Variants in TBCD observed in about 807,000 individuals in gnomAD.
TBCD encodes tubulin-specific chaperone D.
Under a neutral mutation model 169.3 loss-of-function variants are expected in TBCD, and 105 were observed. The ratio of observed to expected loss-of-function variants is 0.62; its 90% CI spans 0.53 to 0.73. TBCD has a LOEUF of 0.73. Among genes scored for constraint, TBCD ranks in the 30% least tolerant of loss-of-function variants. The pLI, the probability that TBCD is intolerant of heterozygous loss-of-function variation, is 0.00. For synonymous variants in TBCD, 700 were observed against 643.9 expected, an observed-to-expected ratio of 1.09 and a Z score of -1.32; for missense variants, 1,444 against 1,600.1, an observed-to-expected ratio of 0.90 and a Z score of 1.66.
intron 14 of TBCD, among the ~76,000 whole-genome samples, chr17:82,871,772 G>T (rs2057579400): frequency 6.6e-6 from 1 of 152,252 alleles, no homozygotes; most frequent in African/African-American, 2.4e-5. Context: ...GCATGTGGCG[G>T]GGCCAGCGTT....
At chr17:82,815,477 CA>C (rs1185017804) in intron 13 of TBCD, among the ~76,000 whole-genome samples, 2 of 152,212 alleles carry the variant, frequency 1.3e-5, no homozygotes, top group Admixed American at 6.5e-5. Context: ...GGTGGAGGGC[CA>C]GGGGAGCTCT....
Position 82,832,451 on chromosome 17 carries a change from T to A in TBCD, c.1318+17517T>A. Reference sequence around the variant, plus strand: ...TTTGGCTTCCGCTCTTTGAGGAGACTCATTTTCCTCCTTATGCCTTGGACT... The same window carrying A: ...TTTGGCTTCCGCTCTTTGAGGAGACACATTTTCCTCCTTATGCCTTGGACT... On this transcript the variant is annotated intron_variant, in intron 13 of 38. Coordinates refer to ENST00000355528, the MANE Select transcript of TBCD (RefSeq NM_005993.5). The surrounding 1 kb of genome is among the most constrained non-coding windows in gnomAD (Gnocchi z 4.9). 1 of 1,609,994 alleles carries A rather than the reference T, an allele frequency of 6.2e-7. No homozygotes were observed. The highest frequency in any genetic ancestry group is 8.5e-7 in the Non-Finnish European group (1 of 1,179,926).
At chr17:82,787,091 C>A (rs985472628) in intron 7 of TBCD, among the ~76,000 whole-genome samples, 1 of 152,166 alleles carries the variant, frequency 6.6e-6, no homozygotes, top group African/African-American at 2.4e-5. Flanking sequence ...GAGAGACATT[C>A]GTTTTTCCCC....
chr17:82,770,636 C>T (rs1322728662), intron 5 of TBCD, among the ~76,000 whole-genome samples: 1 of 151,872 alleles, frequency 6.6e-6, no homozygotes, highest in Non-Finnish European at 1.5e-5. Flanking sequence ...TTTACCCACC[C>T]TTGTTTACTT....
chr17:82,809,449 G>A (rs1044079442), intron 11 of TBCD, among the ~76,000 whole-genome samples: 3 of 152,290 alleles, frequency 2.0e-5, no homozygotes, highest in Admixed American at 1.3e-4. Flanking sequence ...TGCAGCGTCC[G>A]CGTTACAGTG....
intron 17 of TBCD, among the ~76,000 whole-genome samples, chr17:82,895,373 G>A (rs1337622853): frequency 6.6e-6 from 1 of 152,224 alleles, no homozygotes; most frequent in African/African-American, 2.4e-5. Flanking sequence ...GGAGGCAGTG[G>A]TCCTGTTCAG....
intron 1 of TBCD, among the ~76,000 whole-genome samples, chr17:82,753,354 C>T (rs1040861850): frequency 1.3e-4 from 19 of 151,090 alleles, no homozygotes; most frequent in Admixed American, 2.6e-4. Flanking sequence ...CGATGCCTCT[C>T]GTGCAGAACT....
Position 82,929,208 on chromosome 17 carries a change from A to C in TBCD, c.2789A>C (p.His930Pro). The C allele has an allele frequency of 6.2e-7, 1 of 1,613,740 alleles. No homozygotes were observed. Among genetic ancestry groups the C allele is most frequent in the South Asian group, 1.1e-5 (1 of 91,040 alleles). Residue 930 changes from histidine (H) to proline (P), a missense_variant, in exon 31 of 39, where the codon CAC (histidine) becomes CCC (proline). Coordinates refer to ENST00000355528, the MANE Select transcript of TBCD (RefSeq NM_005993.5). ...HAASVFLTLL[H>P]FDSPPIPHVP... is the part of the protein sequence containing the mutation. ...GCCAGCGTGTTCCTGACGCTCCTGC[A>C]CTTTGACAGCCCTCCCATCCCCCAC... is the stretch of plus-strand genomic sequence containing the variant.
intron 2 of TBCD, among the ~76,000 whole-genome samples, chr17:82,758,225 C>G (rs2047511700): frequency 6.6e-6 from 1 of 151,336 alleles, no homozygotes; most frequent in South Asian, 2.1e-4. Context: ...CCCGTATCTA[C>G]TAAAAATGCA....
At position 82,846,534 on chromosome 17, in the gene TBCD, AG is replaced by A. The variant is rs937850196; in HGVS notation, c.1319-23689del. 1.1e-3 allele frequency among the ~76,000 whole-genome samples: 165 copies of A among 152,174 alleles called. 1 individual carries two copies. The highest frequency in any genetic ancestry group is 3.4e-3 in the Middle Eastern group (1 of 294). Reference sequence around the variant, plus strand: ...GCCTCTGCCTTCCGTCCCTGGCGGTAGTGAGACTGGCTGAGACCCAGGGGAA... The same window carrying A: ...GCCTCTGCCTTCCGTCCCTGGCGGTATGAGACTGGCTGAGACCCAGGGGAA... On this transcript the variant is annotated intron_variant, in intron 13 of 38. Coordinates refer to ENST00000355528, the MANE Select transcript of TBCD (RefSeq NM_005993.5).
At chr17:82,887,168 TGCGCGC>T (rs113145269) in intron 15 of TBCD, among the ~76,000 whole-genome samples, 2,588 of 126,172 alleles carry the variant, frequency 0.021, 33 homozygotes, top group African/African-American at 0.03. Context: ...TGTGTGTGTG[TGCGCGC>T]GCGCGCACGT....
At chr17:82,905,857 G>A in intron 19 of TBCD, 79 bp from the exon 20 acceptor site, 2 of 1,162,136 alleles carry the variant, frequency 1.7e-6, no homozygotes, top group Non-Finnish European at 1.2e-6. Flanking sequence ...TCCCGGCCCT[G>A]TGTGGGTGCG....
In TBCD at chr17:82,807,000, G is replaced by T. The variant is rs2051015283; in HGVS notation, c.1088-608G>T. ...AGTCCCCCCTGCCCGCATTCCAGCTGCTGTGCTGGCTCCAGACTGTCTCTC... is the reference window on the plus strand; with the variant it reads ...AGTCCCCCCTGCCCGCATTCCAGCTTCTGTGCTGGCTCCAGACTGTCTCTC... On this transcript the variant is annotated intron_variant, in intron 10 of 38. Transcript: ENST00000355528. The surrounding 1 kb of genome is among the most constrained non-coding windows in gnomAD (Gnocchi z 5.1). 6.6e-6 allele frequency among the ~76,000 whole-genome samples: 1 copy of T among 152,210 alleles called. No individual in the cohort carries two copies. Among genetic ancestry groups the T allele is most frequent in the African/African-American group, 2.4e-5 (1 of 41,460 alleles).
At position 82,809,689 on chromosome 17, in the gene TBCD, T is replaced by G; in HGVS notation, c.1149-19T>G. The G allele has an allele frequency of 1.9e-6, 3 of 1,611,622 alleles. No individual in the cohort carries two copies. The highest frequency in any genetic ancestry group is 2.5e-6 in the Non-Finnish European group (3 of 1,178,868). On this transcript the variant is annotated intron_variant, in intron 11 of 38. Coordinates refer to ENST00000355528, the MANE Select transcript of TBCD (RefSeq NM_005993.5). ...CAGGCTGGTGGTGCCCCTGACGGAT[T>G]GCTGCGTTTCTCTTTCAGCATCGGT...
At position 82,774,678 on chromosome 17, in the gene TBCD, G is replaced by GC. The variant is rs1164561801; in HGVS notation, c.638+2177dup. The stretch of plus-strand genomic sequence containing the variant: ...ACGGAGCGGCGGCCGGGCGGGGGCT[G>GC]CCCCCCACCCGAGTGTGTCTACCTG... On this transcript the variant is annotated intron_variant, in intron 6 of 38. Coordinates refer to ENST00000355528, the MANE Select transcript of TBCD (RefSeq NM_005993.5). 2.0e-5 allele frequency among the ~76,000 whole-genome samples: 3 copies of GC among 152,238 alleles called. No individual in the cohort carries two copies. The East Asian group carries it at 5.8e-4, about 29-fold the overall frequency.
At chr17:82,817,855 A>G (rs1268691623) in intron 13 of TBCD, among the ~76,000 whole-genome samples, 1 of 152,102 alleles carries the variant, frequency 6.6e-6, no homozygotes, top group African/African-American at 2.4e-5. Flanking sequence ...ATCATTGCTG[A>G]CCCCAGAACC....
At chr17:82,897,959 C>T (rs1444395806) in intron 17 of TBCD, among the ~76,000 whole-genome samples, 5 of 151,202 alleles carry the variant, frequency 3.3e-5, no homozygotes, top group East Asian at 1.9e-4. Flanking sequence ...TGTGAGCACA[C>T]GTCACGGCTC....
intron 15 of TBCD, among the ~76,000 whole-genome samples, chr17:82,888,958 C>G (rs2058944863): frequency 6.6e-6 from 1 of 152,144 alleles, no homozygotes; most frequent in South Asian, 2.1e-4. Context: ...ACACTGAAGT[C>G]TCCTGTGTCT....
At chr17:82,859,871 A>G (rs2056615908) in intron 13 of TBCD, 1 of 985,390 alleles carries the variant, frequency 1.0e-6, no homozygotes, top group Non-Finnish European at 1.2e-6. Context: ...CCTTGAGATA[A>G]CTGGGTTGGA....
Sources: allele counts gnomAD v4.1 joint callset (sites outside exome capture counted in the v4.1 genomes callset), GRCh38; gene constraint gnomAD v4.1.1; non-coding constraint Gnocchi (gnomAD v3.1); transcripts MANE v1.5; gene names NCBI Gene and HGNC (gene_info 2026-07-23, HGNC 2026-07-21).